Variants in PARP8 observed in about 807,000 individuals in gnomAD.
The protein encoded by PARP8 is poly(ADP-ribose) polymerase family member 8.
A neutral mutation model predicts 124.1 loss-of-function variants in PARP8; 51 were observed. The ratio of observed to expected loss-of-function variants is 0.41; its 90% CI spans 0.33 to 0.52. The LOEUF is 0.52. PARP8 is among the 20% of genes least tolerant of loss of function. The probability of loss-of-function intolerance (pLI) is 0.21; values close to 1 mark genes in which losing one functional copy is unlikely to be tolerated. For synonymous variants in PARP8, 391 were observed against 361.5 expected (o/e 1.08, Z -0.93); for missense variants, 860 against 1,018.9 (o/e 0.84, Z 2.12).
At chr5:50,729,129 T>C (rs1442732613) in intron 2 of PARP8, among the ~76,000 whole-genome samples, 1 of 152,136 alleles carries the variant, frequency 6.6e-6, no homozygotes, top group African/African-American at 2.4e-5. Flanking sequence ...TAAAACTAGA[T>C]AAATTTTTGT....
At chr5:50,832,698 G>A (rs1261689615) in intron 22 of PARP8, 83 bp from the exon 23 acceptor site, 2 of 1,359,912 alleles carry the variant, frequency 1.5e-6, no homozygotes, top group Non-Finnish European at 2.1e-6. Flanking sequence ...ACCTAGAATG[G>A]AACTTTGCAT....
At chr5:50,772,004 ATCT>A (rs1220743679) in intron 7 of PARP8, among the ~76,000 whole-genome samples, 1 of 152,130 alleles carries the variant, frequency 6.6e-6, no homozygotes, top group African/African-American at 2.4e-5. Context: ...CCTCCTCATC[ATCT>A]TTCCCTTTAT....
Position 50,797,138 on chromosome 5 carries a change from A to G in PARP8, c.1480A>G (p.Thr494Ala). The G allele has an allele frequency of 1.2e-6, 2 of 1,612,776 alleles. No homozygotes were observed. Among genetic ancestry groups the G allele is most frequent in the South Asian group, 1.1e-5 (1 of 90,876 alleles). Reference protein sequence around the residue: ...PVRDRGFLVQTIEFAEQRIPV... With the variant: ...PVRDRGFLVQAIEFAEQRIPV... ...TATTTTTCCTTACTGTTTTATTCAG[A>G]CAATTGAGTTTGCTGAACAGCGGAT... The change falls in exon 14 of 26, where the codon ACA (threonine) becomes GCA (alanine). Residue 494 changes from threonine to alanine, a missense_variant and splice_region_variant. Thr to Ala is a moderately conservative substitution (Grantham distance 58). Transcript: ENST00000281631.
intron 2 of PARP8, among the ~76,000 whole-genome samples, chr5:50,701,620 T>C (rs1362021033): frequency 6.6e-6 from 1 of 152,120 alleles, no homozygotes; most frequent in Non-Finnish European, 1.5e-5. Context: ...TCTTTTAAAA[T>C]CTGGAAAATT....
chr5:50,695,154 A>T (rs1752891983), intron 2 of PARP8, among the ~76,000 whole-genome samples: 1 of 152,216 alleles, frequency 6.6e-6, no homozygotes, highest in South Asian at 2.1e-4. Flanking sequence ...AATCCAATCA[A>T]GTTGACACTT....
chr5:50,840,469 A>G (rs533748410), intron 25 of PARP8, among the ~76,000 whole-genome samples: 1 of 151,970 alleles, frequency 6.6e-6, no homozygotes, highest in East Asian at 1.9e-4. Context: ...CGGTACATCA[A>G]ATTGAGATAT....
chr5:50,709,206 T>C (rs1368393816), intron 2 of PARP8, among the ~76,000 whole-genome samples: 1 of 152,182 alleles, frequency 6.6e-6, no homozygotes, highest in East Asian at 1.9e-4. Flanking sequence ...TACTTTCATA[T>C]TTCCCACCTC....
intron 7 of PARP8, among the ~76,000 whole-genome samples, chr5:50,768,667 G>C (rs548558396): frequency 6.6e-6 from 1 of 152,140 alleles, no homozygotes; most frequent in South Asian, 2.1e-4. Flanking sequence ...CAGATGTCTA[G>C]CTTCACAATT....
chr5:50,673,974 C>A (rs1307117411), intron 2 of PARP8, among the ~76,000 whole-genome samples: 1 of 152,214 alleles, frequency 6.6e-6, no homozygotes, highest in African/African-American at 2.4e-5. Flanking sequence ...ATAGCTGCCA[C>A]TGATTATTTT....
At chr5:50,683,707 T>C (rs537219934) in intron 2 of PARP8, among the ~76,000 whole-genome samples, 18 of 152,312 alleles carry the variant, frequency 1.2e-4, no homozygotes, top group African/African-American at 4.1e-4. Context: ...TGTTTTTTTC[T>C]ATATTGTAAT....
chr5:50,708,554 C>A (rs1400743020), intron 2 of PARP8, among the ~76,000 whole-genome samples: 1 of 152,024 alleles, frequency 6.6e-6, no homozygotes, highest in Admixed American at 6.6e-5. Context: ...CAATATCCTA[C>A]TACTGTGCAG....
intron 2 of PARP8, chr5:50,744,953 CG>C (rs1210855263): frequency 9.2e-6 from 5 of 546,438 alleles, no homozygotes; most frequent in Non-Finnish European, 1.6e-5. Flanking sequence ...GTTCTTTCCA[CG>C]TTTTTTTGGT....
chr5:50,744,589 C>A, intron 2 of PARP8: 1 of 514,068 alleles, frequency 1.9e-6, no homozygotes, highest in Non-Finnish European at 3.5e-6. Context: ...AAAGTTGTGA[C>A]TTTAAGAACC....
chr5:50,821,832 T>G (rs1188037042), intron 16 of PARP8, among the ~76,000 whole-genome samples: 1 of 152,240 alleles, frequency 6.6e-6, no homozygotes. Flanking sequence ...AGAACTTTAT[T>G]TCTTCATAAA....
rs995346231 is a variant in PARP8, at chr5:50,845,079, T to C, written c.*3011T>C. The C allele has an allele frequency of 2.0e-5, 3 of 151,556 alleles. No homozygotes were observed. Among genetic ancestry groups the C allele is most frequent in the African/African-American group, 7.3e-5 (3 of 41,344 alleles). 9.4% of individuals were successfully genotyped at this position (151,556 alleles called of 1,614,324 possible). A position where few individuals can be genotyped will look rare whatever the true frequency, so the allele number is the denominator to read the frequency against. On this transcript the variant is annotated 3_prime_UTR_variant, in exon 26 of 26. Coordinates refer to ENST00000281631, the MANE Select transcript of PARP8 (RefSeq NM_024615.4). ...TGTAGTATAAAAAACCAACCCAAGC[T>C]ATTGTTAATGCTCTGAATGTTTTTC...
At chr5:50,811,448 T>C (rs1033815749) in intron 14 of PARP8, among the ~76,000 whole-genome samples, 12 of 152,058 alleles carry the variant, frequency 7.9e-5, no homozygotes, top group African/African-American at 2.9e-4. Flanking sequence ...ATACCTAGGA[T>C]TGGTGACAAA....
intron 6 of PARP8, among the ~76,000 whole-genome samples, chr5:50,762,272 C>T (rs1378549512): frequency 6.6e-6 from 1 of 151,964 alleles, no homozygotes; most frequent in East Asian, 1.9e-4. Context: ...AGCTGGTTAA[C>T]CTTTATTAAA....
chr5:50,683,324 A>G (rs543143796), intron 2 of PARP8, among the ~76,000 whole-genome samples: 4 of 152,286 alleles, frequency 2.6e-5, no homozygotes, highest in Non-Finnish European at 5.9e-5. Context: ...ATTAAATTTA[A>G]AAGAAAGTAG....
At chr5:50,811,313 A>C (rs972889381) in intron 14 of PARP8, among the ~76,000 whole-genome samples, 6 of 152,072 alleles carry the variant, frequency 3.9e-5, no homozygotes, top group Non-Finnish European at 8.8e-5. Flanking sequence ...ACTGAAACAG[A>C]AATGCAGAAA....
Sources: gnomAD v4.1 joint callset for allele counts (sites outside exome capture counted in the v4.1 genomes callset) on GRCh38, gnomAD v4.1.1 for gene constraint, MANE v1.5 for transcripts, NCBI Gene and HGNC (gene_info 2026-07-23, HGNC 2026-07-21) for gene names.